Variants in RAD23B observed in about 807,000 individuals in gnomAD.
RAD23B encodes lysine-specific demethylase RAD23B.
RAD23B carries 5 observed loss-of-function variants against 49.1 expected under a neutral mutation model. The ratio of observed to expected loss-of-function variants is 0.10; its 90% CI spans 0.05 to 0.21. The LOEUF is 0.21. Among genes scored for constraint, RAD23B ranks in the 10% least tolerant of loss-of-function variants. The probability of loss-of-function intolerance (pLI) is 1.00; values close to 1 mark genes in which losing one functional copy is unlikely to be tolerated. For missense variants in RAD23B, 356 were observed against 486.7 expected, an observed-to-expected ratio of 0.73 and a Z score of 2.53; for synonymous variants, 184 against 165.4, an observed-to-expected ratio of 1.11 and a Z score of -0.86.
At chr9:107,284,641 C>A in intron 1 of RAD23B, 1 of 882,078 alleles carries the variant, frequency 1.1e-6, no homozygotes, top group Non-Finnish European at 1.4e-6. Flanking sequence ...AATCTAAAAA[C>A]GCTGTGAGTG....
rs11573682 is a variant in RAD23B at position 107,318,264 on chromosome 9, C to A, written c.554-488C>A. Among the ~76,000 whole-genome samples, 1 of 152,070 alleles carries A rather than the reference C, an allele frequency of 6.6e-6. No individual in the cohort carries two copies. Among genetic ancestry groups the A allele is most frequent in the African/African-American group, 2.4e-5 (1 of 41,392 alleles). On this transcript the variant is annotated intron_variant, in intron 5 of 9. Coordinates refer to ENST00000358015, the MANE Select transcript of RAD23B (RefSeq NM_002874.5). This position sits in a 1 kb window ranked among gnomAD's most constrained non-coding sequence, Gnocchi z 4.3. ...AGCCGGCATTCCTTTTTGGAGACTC[C>A]GGGGAAGAATTTTTTTCCTGATCCT... is the stretch of plus-strand genomic sequence containing the variant.
intron 9 of RAD23B, among the ~76,000 whole-genome samples, chr9:107,329,072 G>C (rs1250415693): frequency 1.3e-5 from 2 of 152,124 alleles, no homozygotes; most frequent in Admixed American, 6.6e-5. Flanking sequence ...GACATGAGTT[G>C]ACATTAATAA....
intron 3 of RAD23B, 65 bp downstream of exon 3, chr9:107,302,179 A>G: frequency 6.2e-7 from 1 of 1,601,474 alleles, no homozygotes; most frequent in Admixed American, 1.7e-5. Flanking sequence ...GATGATCACA[A>G]GTCCACACAA....
At chr9:107,312,387 G>GT (rs1257258137) in intron 5 of RAD23B, among the ~76,000 whole-genome samples, 11 of 152,136 alleles carry the variant, frequency 7.2e-5, no homozygotes, top group African/African-American at 2.7e-4. Flanking sequence ...CGAGGAATAG[G>GT]TAGAAACAGC....
At chr9:107,307,133 C>T (rs777805019) in intron 4 of RAD23B, among the ~76,000 whole-genome samples, 27 of 152,108 alleles carry the variant, frequency 1.8e-4, no homozygotes, top group Non-Finnish European at 3.2e-4. Context: ...TAACCTGAAC[C>T]TATGGACTAT....
intron 1 of RAD23B, among the ~76,000 whole-genome samples, chr9:107,293,534 A>G (rs1242105744): frequency 6.6e-6 from 1 of 152,238 alleles, no homozygotes; most frequent in African/African-American, 2.4e-5. Flanking sequence ...TTTATACTGT[A>G]TATAGTTACA....
intron 6 of RAD23B, among the ~76,000 whole-genome samples, chr9:107,320,965 T>C (rs1011154747): frequency 6.6e-6 from 1 of 152,220 alleles, no homozygotes; most frequent in Non-Finnish European, 1.5e-5. Flanking sequence ...TATCATCTTA[T>C]TCAATTGTAA....
chr9:107,297,436 A>G (rs987459092), intron 1 of RAD23B, among the ~76,000 whole-genome samples: 29 of 151,486 alleles, frequency 1.9e-4, no homozygotes, highest in African/African-American at 6.8e-4. Flanking sequence ...GCCTCCTGGG[A>G]TTCAAGCAGT....
In RAD23B at chr9:107,318,650, G is replaced by A; in HGVS notation, c.554-102G>A. 2 of 1,257,012 alleles carry A rather than the reference G, an allele frequency of 1.6e-6. No homozygotes were observed. Among genetic ancestry groups the A allele is most frequent in the Non-Finnish European group, 2.2e-6 (2 of 903,860 alleles). 77.9% of individuals were successfully genotyped at this position (1,257,012 alleles called of 1,614,324 possible). A position where few individuals can be genotyped will look rare whatever the true frequency, so the allele number is the denominator to read the frequency against. Reference sequence around the variant, plus strand: ...ACTGTTACTCATCTTTGTATTCCCAGCATAGTAGTTCCTGAAATGTTGTAT... The same window carrying A: ...ACTGTTACTCATCTTTGTATTCCCAACATAGTAGTTCCTGAAATGTTGTAT... On this transcript the variant is annotated intron_variant, in intron 5 of 9. Coordinates refer to ENST00000358015, the MANE Select transcript of RAD23B (RefSeq NM_002874.5). This position sits in a 1 kb window ranked among gnomAD's most constrained non-coding sequence, Gnocchi z 4.3.
At chr9:107,314,351 C>T (rs1388702732) in intron 5 of RAD23B, among the ~76,000 whole-genome samples, 3 of 152,176 alleles carry the variant, frequency 2.0e-5, no homozygotes, top group Non-Finnish European at 2.9e-5. Context: ...ACTCCACTCC[C>T]CACCTTTTTT....
chr9:107,295,337 T>TGA (rs1009083533), intron 1 of RAD23B, among the ~76,000 whole-genome samples: 1 of 151,990 alleles, frequency 6.6e-6, no homozygotes, highest in African/African-American at 2.4e-5. Context: ...GTGAACTGAG[T>TGA]GAGAGAGAGG....
At chr9:107,298,235 T>C (rs1428644000) in intron 1 of RAD23B, among the ~76,000 whole-genome samples, 1 of 152,300 alleles carries the variant, frequency 6.6e-6, no homozygotes. Context: ...TTCAAATGAC[T>C]TGGTTTCAAG....
chr9:107,300,163 T>C lies in RAD23B; in HGVS notation c.89T>C (p.Ile30Thr). The part of the protein sequence containing the change: ...EETVKALKEK[I>T]ESEKGKDAFP... ...TAGGTGAAAGCACTGAAAGAGAAGA[T>C]TGAATCTGAAAAGGGGAAAGATGCC... Residue 30 changes from isoleucine (I) to threonine (T), a missense_variant, in exon 2 of 10, where the codon ATT becomes ACT. Transcript: ENST00000358015. 6.2e-7 allele frequency: 1 copy of C among 1,609,682 alleles called. No individual in the cohort carries two copies.
chr9:107,312,291 CT>C (rs758119489), intron 5 of RAD23B, among the ~76,000 whole-genome samples: 2 of 152,186 alleles, frequency 1.3e-5, no homozygotes, highest in Non-Finnish European at 1.5e-5. Context: ...TGTAGCATCT[CT>C]GATACAGTTC....
In RAD23B at chr9:107,283,555, C is replaced by A; in HGVS notation, c.-75C>A. ...GCGAGGAGCGCGGGCGACCCCGGGG[C>A]CCCGCCAGGCCACAGACCCCGCCCA... On this transcript the variant is annotated 5_prime_UTR_variant, in exon 1 of 10. Coordinates refer to ENST00000358015, the MANE Select transcript of RAD23B (RefSeq NM_002874.5). 1.7e-6 allele frequency: 2 copies of A among 1,192,062 alleles called. No homozygotes were observed. Among genetic ancestry groups the A allele is most frequent in the Non-Finnish European group, 2.2e-6 (2 of 904,334 alleles). The allele number at this position is 1,192,062 out of a possible 1,614,324, so 73.8% of individuals were successfully genotyped here. A position where few individuals can be genotyped will look rare whatever the true frequency, so the allele number is the denominator to read the frequency against.
Position 107,331,592 on chromosome 9 carries a change from G to A in RAD23B, c.*1936G>A. On this transcript the variant is annotated 3_prime_UTR_variant, in exon 10 of 10. Coordinates refer to ENST00000358015, the MANE Select transcript of RAD23B (RefSeq NM_002874.5). Reference sequence around the variant, plus strand: ...TTCATCTTTCAAGTCAGAGCAATGAGTTGGGAAAAGAGGTGGCATTTCTGA... The same window carrying A: ...TTCATCTTTCAAGTCAGAGCAATGAATTGGGAAAAGAGGTGGCATTTCTGA... 1.4e-6 allele frequency: 1 copy of A among 726,842 alleles called. No individual in the cohort carries two copies. Among genetic ancestry groups the A allele is most frequent in the South Asian group, 1.5e-5 (1 of 65,852 alleles). 45.0% of individuals were successfully genotyped at this position (726,842 alleles called of 1,614,324 possible).
At chr9:107,296,455 A>G (rs926833388) in intron 1 of RAD23B, among the ~76,000 whole-genome samples, 2 of 152,202 alleles carry the variant, frequency 1.3e-5, no homozygotes, top group African/African-American at 4.8e-5. Flanking sequence ...TTTGGTTACT[A>G]ATGAGGTTGA....
intron 4 of RAD23B, among the ~76,000 whole-genome samples, chr9:107,311,065 TTC>T (rs1353495139): frequency 5.3e-5 from 8 of 152,246 alleles, no homozygotes; most frequent in Admixed American, 1.3e-4. Context: ...TTTCATAATT[TTC>T]TGTCTTTTAT....
intron 1 of RAD23B, among the ~76,000 whole-genome samples, chr9:107,293,280 G>A (rs1026980613): frequency 6.6e-6 from 1 of 152,180 alleles, no homozygotes; most frequent in East Asian, 1.9e-4. Context: ...TGTTCTTGTG[G>A]ACTAGCCATA....
Sources: gnomAD v4.1 joint callset for allele counts (sites outside exome capture counted in the v4.1 genomes callset) on GRCh38, gnomAD v4.1.1 for gene constraint, Gnocchi (gnomAD v3.1) non-coding constraint, MANE v1.5 for transcripts, NCBI Gene and HGNC (gene_info 2026-07-23, HGNC 2026-07-21) for gene names.